The following USP37 variants were observed in gnomAD, a reference collection of about 807,000 sequenced individuals.
The protein encoded by USP37 is ubiquitin specific peptidase 37, also known as ubiquitin carboxyl-terminal hydrolase 37.
A neutral mutation model predicts 124.0 loss-of-function variants in USP37; 27 were observed. The ratio of observed to expected loss-of-function variants is 0.22; its 90% CI spans 0.16 to 0.30. The LOEUF (loss-of-function observed/expected upper bound fraction) is 0.30, where lower values mean the gene tolerates loss of function less well. USP37 is among the 10% of genes least tolerant of loss of function. The pLI is 1.00. For synonymous variants in USP37, 365 were observed against 388.0 expected (o/e 0.94, Z 0.70); for missense variants, 889 against 1,140.4 (o/e 0.78, Z 3.17).
chr2:218,459,979 C>A (rs1023366465), intron 22 of USP37, 74 bp from the exon 23 acceptor site: 2 of 1,173,600 alleles, frequency 1.7e-6, no homozygotes, highest in Non-Finnish European at 1.2e-6. Context: ...ACCTGTAATC[C>A]CAACACTTTG....
At chr2:218,537,535 G>A (rs915766379) in intron 8 of USP37, among the ~76,000 whole-genome samples, 1 of 152,228 alleles carries the variant, frequency 6.6e-6, no homozygotes, top group Non-Finnish European at 1.5e-5. Context: ...ACTGGGCCCA[G>A]ATAAACAGAA....
At chr2:218,496,046 C>T in intron 13 of USP37, 96 bp from the exon 14 acceptor site, 1 of 1,269,676 alleles carries the variant, frequency 7.9e-7, no homozygotes, top group African/African-American at 1.5e-5. Context: ...GTAATTCCAG[C>T]ACTCTGGAAG....
chr2:218,563,607 C>T (rs1693428189), intron 1 of USP37, among the ~76,000 whole-genome samples: 1 of 152,202 alleles, frequency 6.6e-6, no homozygotes, highest in South Asian at 2.1e-4. Flanking sequence ...TGAAGTTCTA[C>T]CCGCACATCT....
chr2:218,521,891 T>C (rs1451253078), intron 10 of USP37, among the ~76,000 whole-genome samples: 2 of 152,314 alleles, frequency 1.3e-5, no homozygotes, highest in East Asian at 1.9e-4. Context: ...TTTTCCAGTT[T>C]TGAGACAAGG....
At chr2:218,520,952 T>C (rs1051328424) in intron 10 of USP37, among the ~76,000 whole-genome samples, 1 of 152,090 alleles carries the variant, frequency 6.6e-6, no homozygotes, top group African/African-American at 2.4e-5. Context: ...ATCATGGAGG[T>C]GGATCCTTCG....
intron 22 of USP37, 74 bp downstream of exon 22, chr2:218,463,220 ACACACACACACT>A (rs1690122400): frequency 3.1e-6 from 2 of 635,506 alleles, no homozygotes; most frequent in Admixed American, 5.2e-5. Context: ...ACACACACAC[ACACACACACACT>A]TTCTTTATAT....
chr2:218,504,374 TA>T (rs756661502), intron 11 of USP37, among the ~76,000 whole-genome samples: 20 of 152,226 alleles, frequency 1.3e-4, no homozygotes, highest in Non-Finnish European at 2.5e-4. Context: ...AGACTTTTTA[TA>T]TTGCTGTTAA....
intron 11 of USP37, chr2:218,500,668 A>G (rs1471258063): frequency 6.6e-6 from 1 of 152,078 alleles, no homozygotes; most frequent in Non-Finnish European, 1.5e-5. Flanking sequence ...GAGGCACTTC[A>G]CCTGACCTAG....
chr2:218,460,914 C>CTGG, intron 22 of USP37, among the ~76,000 whole-genome samples: 1 of 151,740 alleles, frequency 6.6e-6, no homozygotes, highest in Admixed American at 6.6e-5. Flanking sequence ...GCACTCCAGC[C>CTGG]TGGTGACAGA....
At chr2:218,474,956 A>G (rs925068576) in intron 19 of USP37, 71 bp from the exon 20 acceptor site, 28 of 1,471,886 alleles carry the variant, frequency 1.9e-5, no homozygotes, top group Non-Finnish European at 2.5e-5. Context: ...TAGTATTTAA[A>G]GTAGCAACTT....
chr2:218,450,598 A>G lies in USP37; in HGVS notation c.*4332T>C, dbSNP rs1435682534. 1.3e-5 allele frequency: 2 copies of G among 152,610 alleles called. No homozygotes were observed. The highest frequency in any genetic ancestry group is 1.5e-5 in the Non-Finnish European group (1 of 68,046). 9.5% of individuals were successfully genotyped at this position (152,610 alleles called of 1,614,324 possible). The stretch of plus-strand genomic sequence containing the variant: ...AGTTAGGGAGGGAAAGAAAAGCTCA[A>G]AGGGAGGGAAACCTGGGGACAAGAG... On this transcript the variant is annotated 3_prime_UTR_variant, in exon 26 of 26. Transcript: ENST00000258399.
At chr2:218,565,917 C>T (rs1164513663) in intron 1 of USP37, among the ~76,000 whole-genome samples, 4 of 151,968 alleles carry the variant, frequency 2.6e-5, no homozygotes, top group African/African-American at 9.7e-5. Context: ...GGCATGGTGG[C>T]GGGTGCCTGT....
At chr2:218,548,857 C>T (rs1227123328) in intron 6 of USP37, among the ~76,000 whole-genome samples, 1 of 152,128 alleles carries the variant, frequency 6.6e-6, no homozygotes, top group Non-Finnish European at 1.5e-5. Context: ...TAAATACTTG[C>T]TTCTGCTATA....
At chr2:218,506,216 C>A (rs996348301) in intron 11 of USP37, among the ~76,000 whole-genome samples, 2 of 151,268 alleles carry the variant, frequency 1.3e-5, no homozygotes, top group Admixed American at 1.3e-4. Flanking sequence ...CTTCTTCTTC[C>A]GGGACACTAA....
In USP37 at chr2:218,526,487, T is replaced by C. The variant is rs182550172; in HGVS notation, c.863+3469A>G. ...TTTCTGTCTTTAGGTTTTTGAGGAA[T>C]GGCCACACTCTCTTCCACAATGGTT... On this transcript the variant is annotated intron_variant, in intron 10 of 25. Coordinates refer to ENST00000258399, the MANE Select transcript of USP37 (RefSeq NM_020935.3). 8.5e-5 allele frequency among the ~76,000 whole-genome samples: 13 copies of C among 152,212 alleles called. No individual in the cohort carries two copies. In the East Asian group the frequency reaches 2.5e-3, roughly 29 times the overall value.
intron 22 of USP37, among the ~76,000 whole-genome samples, chr2:218,462,307 G>T (rs12987171): frequency 1.3e-5 from 2 of 151,984 alleles, no homozygotes; most frequent in African/African-American, 4.8e-5. Context: ...TGCACTCCAG[G>T]CCCTGGGCAA....
At chr2:218,563,877 C>G (rs760906013) in intron 1 of USP37, among the ~76,000 whole-genome samples, 1 of 151,900 alleles carries the variant, frequency 6.6e-6, no homozygotes, top group African/African-American at 2.4e-5. Flanking sequence ...AATGTGGTCT[C>G]GAACACATTG....
At chr2:218,462,937 A>G (rs1690091912) in intron 22 of USP37, among the ~76,000 whole-genome samples, 1 of 151,962 alleles carries the variant, frequency 6.6e-6, no homozygotes, top group South Asian at 2.1e-4. Context: ...GAGGCTGAGG[A>G]GGGTGGATCA....
chr2:218,493,809 C>T (rs985485164), intron 14 of USP37, among the ~76,000 whole-genome samples: 1 of 152,114 alleles, frequency 6.6e-6, no homozygotes, highest in Non-Finnish European at 1.5e-5. Context: ...CTGAATGATC[C>T]CACTGTCCAG....
Sources: allele counts gnomAD v4.1 joint callset (sites outside exome capture counted in the v4.1 genomes callset), GRCh38; gene constraint gnomAD v4.1.1; transcripts MANE v1.5; gene names NCBI Gene and HGNC (gene_info 2026-07-23, HGNC 2026-07-21).